The following LYRM4 variants were observed in gnomAD, a reference collection of about 807,000 sequenced individuals.
LYRM4 encodes the protein LYR motif containing 4.
In LYRM4, 9 loss-of-function variants were observed where a neutral mutation model predicts 11.7. The observed-to-expected ratio is 0.77, with a 90% CI of 0.46 to 1.34. The LOEUF (loss-of-function observed/expected upper bound fraction) is 1.34, where lower values mean the gene tolerates loss of function less well. Among genes scored for constraint, LYRM4 ranks in the 40% most tolerant of loss-of-function variants. LYRM4 has a pLI of 0.00. For synonymous variants in LYRM4, 42 were observed against 40.4 expected (o/e 1.04, Z -0.15); for missense variants, 133 against 112.5 (o/e 1.18, Z -0.82).
intron 2 of LYRM4, among the ~76,000 whole-genome samples, chr6:5,214,696 G>A (rs1304607683): frequency 1.3e-5 from 2 of 152,194 alleles, no homozygotes; most frequent in Admixed American, 6.5e-5. Flanking sequence ...GGCAACTTAC[G>A]CCAGCTTGCA....
At chr6:5,086,534 G>GCCAA in the LYRM4 span, 3 of 1,530,250 alleles carry the variant, frequency 2.0e-6, no homozygotes, top group Non-Finnish European at 2.6e-6. Context: ...TACACGCTGC[G>GCCAA]CTACGCGCGC....
chr6:5,125,823 A>G (rs1763675036), intron 2 of LYRM4, among the ~76,000 whole-genome samples: 1 of 152,356 alleles, frequency 6.6e-6, no homozygotes, highest in African/African-American at 2.4e-5. Flanking sequence ...TCTGAATCCC[A>G]CAAACTCAGC....
At chr6:5,240,170 A>G (rs927478483) in intron 1 of LYRM4, among the ~76,000 whole-genome samples, 1 of 152,156 alleles carries the variant, frequency 6.6e-6, no homozygotes, top group Admixed American at 6.5e-5. Flanking sequence ...TCCTTACAGT[A>G]CATCCAACCT....
chr6:5,218,209 C>T (rs570362762), intron 1 of LYRM4: 2 of 976,232 alleles, frequency 2.0e-6, no homozygotes, highest in South Asian at 9.5e-5. Flanking sequence ...GCCTGGCTCT[C>T]TCGTCTTCTT....
chr6:5,237,240 C>T (rs1358849919), intron 1 of LYRM4, among the ~76,000 whole-genome samples: 1 of 152,152 alleles, frequency 6.6e-6, no homozygotes, highest in Non-Finnish European at 1.5e-5. Context: ...ACAATACCAC[C>T]TGAGCTCCAC....
Position 5,134,954 on chromosome 6 carries a change from ACTGTGGAGGGTGCGGATCGCTCCCGGGG to A in LYRM4, c.208-25491_208-25464del, listed in dbSNP as rs1561819225. ...GTGGAGGGTGCGGATCACTCCCGGGACTGTGGAGGGTGCGGATCGCTCCCGGGGCTGTGGAGGGTGCGGATCGCTCCCG... is the reference window on the plus strand; with the variant it reads ...GTGGAGGGTGCGGATCACTCCCGGGACTGTGGAGGGTGCGGATCGCTCCCG... On this transcript the variant is annotated intron_variant, in intron 2 of 2. Coordinates refer to ENST00000330636, the MANE Select transcript of LYRM4 (RefSeq NM_020408.6). 4.1e-3 allele frequency among the ~76,000 whole-genome samples: 177 copies of A among 43,490 alleles called. 2 individuals carry two copies. Among genetic ancestry groups the A allele is most frequent in the East Asian group, 0.016 (12 of 744 alleles). The allele number at this position is 43,490 out of a possible 152,430, so 28.5% of individuals were successfully genotyped here.
At chr6:5,181,770 G>T (rs1760090640) in intron 2 of LYRM4, among the ~76,000 whole-genome samples, 1 of 152,030 alleles carries the variant, frequency 6.6e-6, no homozygotes, top group African/African-American at 2.4e-5. Flanking sequence ...TCTCTTTCTA[G>T]TCACTCCCTC....
chr6:5,208,946 T>A (rs932379677), intron 2 of LYRM4, among the ~76,000 whole-genome samples: 2 of 152,202 alleles, frequency 1.3e-5, no homozygotes, highest in African/African-American at 4.8e-5. Context: ...GAAAAACTTC[T>A]TATATCCAAA....
chr6:5,188,213 C>G (rs1405728678), intron 2 of LYRM4, among the ~76,000 whole-genome samples: 1 of 151,722 alleles, frequency 6.6e-6, no homozygotes, highest in Non-Finnish European at 1.5e-5. Flanking sequence ...AACAAAGAAA[C>G]AAACAAAAAT....
intron 2 of LYRM4, among the ~76,000 whole-genome samples, chr6:5,141,196 G>A (rs1757388483): frequency 6.6e-6 from 1 of 152,198 alleles, no homozygotes; most frequent in Non-Finnish European, 1.5e-5. Flanking sequence ...AGAGATGGGG[G>A]TGGTATGTCT....
At chr6:5,199,060 T>C (rs978274890) in intron 2 of LYRM4, among the ~76,000 whole-genome samples, 1 of 152,144 alleles carries the variant, frequency 6.6e-6, no homozygotes, top group Non-Finnish European at 1.5e-5. Context: ...TCTAAGTATA[T>C]ATACAAGAGG....
chr6:5,138,780 A>G lies in LYRM4; in HGVS notation c.208-29289T>C, dbSNP rs776339987. On this transcript the variant is annotated intron_variant, in intron 2 of 2. Coordinates refer to ENST00000330636, the MANE Select transcript of LYRM4 (RefSeq NM_020408.6). ...GAAAAAAATAAAAGTTAAGAGTAAC[A>G]GTTAACAGAAAGAAAGAGTTCTTTG... The G allele has an allele frequency of 4.9e-6, 7 of 1,429,182 alleles. No individual in the cohort carries two copies. In the South Asian group the frequency reaches 5.0e-5, roughly 10 times the overall value. The allele number at this position is 1,429,182 out of a possible 1,614,324, so 88.5% of individuals were successfully genotyped here. A position where few individuals can be genotyped will look rare whatever the true frequency, so the allele number is the denominator to read the frequency against.
Position 5,165,773 on chromosome 6 carries a change from C to T in LYRM4, c.207+50845G>A, listed in dbSNP as rs144264933. On this transcript the variant is annotated intron_variant, in intron 2 of 2. Coordinates refer to ENST00000330636, the MANE Select transcript of LYRM4 (RefSeq NM_020408.6). The stretch of plus-strand genomic sequence containing the variant: ...GGCTAGAGTGGTCTCGAATTCCTGA[C>T]CTCAGGTGATCTACCTGCCTCGGCC... 4.3e-3 allele frequency among the ~76,000 whole-genome samples: 655 copies of T among 152,244 alleles called. 2 individuals are homozygous for T. Among genetic ancestry groups the T allele is most frequent in the African/African-American group, 0.015 (625 of 41,554 alleles).
intron 2 of LYRM4, among the ~76,000 whole-genome samples, chr6:5,156,292 AG>A (rs1387319472): frequency 6.6e-6 from 1 of 152,220 alleles, no homozygotes; most frequent in Non-Finnish European, 1.5e-5. Context: ...ACTGTGCTTC[AG>A]GTGGAGAGCC....
chr6:5,115,138 GT>G (rs1763061376), intron 2 of LYRM4, among the ~76,000 whole-genome samples: 1 of 152,110 alleles, frequency 6.6e-6, no homozygotes, highest in South Asian at 2.1e-4. Flanking sequence ...CATTTAGACT[GT>G]TTCCACTTAA....
the LYRM4 span, among the ~76,000 whole-genome samples, chr6:5,054,844 A>G: frequency 1.3e-5 from 2 of 152,218 alleles, no homozygotes; most frequent in South Asian, 2.1e-4. Flanking sequence ...CACATGACGG[A>G]TATCAGGCCC....
At chr6:5,122,185 T>G (rs1388845941) in intron 2 of LYRM4, among the ~76,000 whole-genome samples, 2 of 152,140 alleles carry the variant, frequency 1.3e-5, no homozygotes, top group African/African-American at 4.8e-5. Context: ...ATGGACGGCC[T>G]CCCTGGTTTT....
At chr6:5,103,550 C>A (rs932241894), downstream of LYRM4, 5 of 151,930 alleles carry the variant, frequency 3.3e-5, no homozygotes, top group Admixed American at 1.3e-4. Context: ...GACAGGGAAG[C>A]TTTCTCCTTC....
chr6:5,135,831 T>A (rs1757064224), intron 2 of LYRM4, among the ~76,000 whole-genome samples: 1 of 152,206 alleles, frequency 6.6e-6, no homozygotes, highest in Non-Finnish European at 1.5e-5. Context: ...CACATTGTTG[T>A]ACAACCATCA....
Sources: allele counts gnomAD v4.1 joint callset (sites outside exome capture counted in the v4.1 genomes callset), GRCh38; gene constraint gnomAD v4.1.1; transcripts MANE v1.5; gene names NCBI Gene and HGNC (gene_info 2026-07-23, HGNC 2026-07-21).